CALN1: variants seen among roughly 807,000 people sequenced by gnomAD.
CALN1 encodes the protein calcium-binding protein 8.
A neutral mutation model predicts 30.6 loss-of-function variants in CALN1; 17 were observed. The observed-to-expected ratio is 0.56, with a 90% confidence interval of 0.38 to 0.83. CALN1 has a LOEUF of 0.83. Among genes scored for constraint, CALN1 ranks in the 40% least tolerant of loss-of-function variants. CALN1 has a pLI of 0.00. For missense variants in CALN1, 291 were observed against 354.9 expected (o/e 0.82, Z 1.45); for synonymous variants, 156 against 131.4 (o/e 1.19, Z -1.28).
rs1018800575 is a variant in CALN1 at position 72,022,921 on chromosome 7, A to T, written c.501+736T>A. Among the ~76,000 whole-genome samples, 24 of 47,910 alleles carry T rather than the reference A, an allele frequency of 5.0e-4. 1 individual carries two copies. Among genetic ancestry groups the T allele is most frequent in the African/African-American group, 3.2e-3 (11 of 3,416 alleles). 31.4% of individuals were successfully genotyped at this position (47,910 alleles called of 152,430 possible). ...AACAAAAAATAAAATAAATAAAATT[A>T]AAAAAAAAAAAAAAAGAAATTTAAA... is the stretch of plus-strand genomic sequence containing the variant. On this transcript the variant is annotated intron_variant, in intron 5 of 6. Transcript: ENST00000395275.
intron 5 of CALN1, among the ~76,000 whole-genome samples, chr7:71,923,886 T>C (rs1033666388): frequency 2.6e-5 from 4 of 152,064 alleles, no homozygotes; most frequent in East Asian, 3.9e-4. Flanking sequence ...AACCAGAAGT[T>C]TGCAGTCCAA....
chr7:72,338,563 C>CTCA (rs1395711521), intron 2 of CALN1, among the ~76,000 whole-genome samples: 1 of 145,766 alleles, frequency 6.9e-6, no homozygotes, highest in East Asian at 2.1e-4. Flanking sequence ...CCCTGAGGCA[C>CTCA]TCATTGTGGG....
intron 3 of CALN1, among the ~76,000 whole-genome samples, chr7:72,154,843 G>T (rs1050466393): frequency 7.2e-5 from 11 of 152,102 alleles, no homozygotes; most frequent in Non-Finnish European, 1.3e-4. Flanking sequence ...CCTAGGAGTT[G>T]GAGACCAACT....
intron 2 of CALN1, among the ~76,000 whole-genome samples, chr7:72,302,725 C>T (rs908266781): frequency 2.6e-5 from 4 of 151,838 alleles, no homozygotes; most frequent in African/African-American, 9.7e-5. Context: ...GAAACCCCGT[C>T]TCTACTAAAA....
intron 3 of CALN1, among the ~76,000 whole-genome samples, chr7:72,205,277 A>G (rs183509464): frequency 3.4e-4 from 52 of 151,744 alleles, no homozygotes; most frequent in Non-Finnish European, 6.5e-4. Context: ...ATCTCAGCTC[A>G]CCGCAACCTC....
chr7:72,095,689 G>A (rs1037389013), intron 4 of CALN1, among the ~76,000 whole-genome samples: 2 of 151,924 alleles, frequency 1.3e-5, no homozygotes, highest in Non-Finnish European at 2.9e-5. Flanking sequence ...CTCAGACTAG[G>A]GTATCTCCAA....
At chr7:72,334,497 A>G (rs1345904793) in intron 2 of CALN1, among the ~76,000 whole-genome samples, 2 of 152,184 alleles carry the variant, frequency 1.3e-5, no homozygotes. Flanking sequence ...AACAATGAAC[A>G]GTTGTCATCC....
At chr7:72,484,632 C>T in the CALN1 span, among the ~76,000 whole-genome samples, 2 of 152,290 alleles carry the variant, frequency 1.3e-5, no homozygotes, top group African/African-American at 4.8e-5. Flanking sequence ...CTCTGTGCAG[C>T]TTGCTTCTGT....
intron 5 of CALN1, among the ~76,000 whole-genome samples, chr7:71,953,027 G>A (rs956160913): frequency 3.9e-5 from 6 of 152,164 alleles, no homozygotes; most frequent in African/African-American, 1.4e-4. Flanking sequence ...TGTGACCACA[G>A]CTCACTGCAG....
chr7:71,807,079 A>T (rs891967090), intron 6 of CALN1, among the ~76,000 whole-genome samples: 1 of 152,220 alleles, frequency 6.6e-6, no homozygotes, highest in Non-Finnish European at 1.5e-5. Context: ...GGAGGAGTTG[A>T]CAGTTTGGGA....
At chr7:72,418,907 T>G (rs1240632333) in intron 1 of CALN1, among the ~76,000 whole-genome samples, 1 of 152,156 alleles carries the variant, frequency 6.6e-6, no homozygotes, top group African/African-American at 2.4e-5. Context: ...TCCCAGCTAC[T>G]TGGGACACTG....
At position 72,317,380 on chromosome 7, in the gene CALN1, G is replaced by T. The variant is rs536678382; in HGVS notation, c.120-38570C>A. 7.9e-5 allele frequency among the ~76,000 whole-genome samples: 12 copies of T among 152,300 alleles called. No homozygotes were observed. In the South Asian group the frequency reaches 2.1e-3, roughly 26 times the overall value. ...TCCTGGGGAAATCCCTGTTAGGTTG[G>T]TGAGTCTTACAAGCCATCATCCCAC... On this transcript the variant is annotated intron_variant, in intron 2 of 6. Transcript: ENST00000395275.
At chr7:72,406,628 C>CTTTTTCT (rs1554402617) in intron 1 of CALN1, among the ~76,000 whole-genome samples, 2 of 144,732 alleles carry the variant, frequency 1.4e-5, no homozygotes, top group Non-Finnish European at 3.0e-5. Context: ...TTTTTTTTTT[C>CTTTTTCT]TTTTTTAAGA....
intron 3 of CALN1, among the ~76,000 whole-genome samples, chr7:72,259,914 C>G (rs1288982208): frequency 1.3e-5 from 2 of 152,082 alleles, no homozygotes; most frequent in Non-Finnish European, 2.9e-5. Context: ...TTTTAAAATG[C>G]AAAAAGGATC....
At chr7:72,302,175 G>GAAAT (rs1043191006) in intron 2 of CALN1, among the ~76,000 whole-genome samples, 1 of 152,110 alleles carries the variant, frequency 6.6e-6, no homozygotes, top group African/African-American at 2.4e-5. Context: ...CCACGGAGAG[G>GAAAT]AAATAATACA....
intron 2 of CALN1, among the ~76,000 whole-genome samples, chr7:72,334,620 C>G (rs1036652603): frequency 4.6e-5 from 7 of 152,138 alleles, no homozygotes; most frequent in African/African-American, 1.7e-4. Flanking sequence ...TATTTTCGTT[C>G]TAAAAAGCCC....
intron 2 of CALN1, among the ~76,000 whole-genome samples, chr7:72,317,052 A>G (rs1390935242): frequency 1.0e-4 from 14 of 136,984 alleles, no homozygotes; most frequent in African/African-American, 2.9e-4. Flanking sequence ...GAGAGAGAGA[A>G]AGAGAGAGAG....
intron 3 of CALN1, among the ~76,000 whole-genome samples, chr7:72,260,887 C>T (rs1010688582): frequency 6.6e-5 from 10 of 152,148 alleles, no homozygotes; most frequent in African/African-American, 1.9e-4. Context: ...CCCTACGGTG[C>T]TTCTAGGTTC....
At chr7:72,278,951 A>G (rs1797548696) in intron 2 of CALN1, 141 bp from the exon 3 acceptor site, 18 of 1,256,236 alleles carry the variant, frequency 1.4e-5, no homozygotes, top group Middle Eastern at 2.2e-4. Flanking sequence ...GAAAGTCAAG[A>G]TATTTCCAGG....
Sources: gnomAD v4.1 joint callset for allele counts (sites outside exome capture counted in the v4.1 genomes callset) on GRCh38, gnomAD v4.1.1 for gene constraint, MANE v1.5 for transcripts, NCBI Gene and HGNC (gene_info 2026-07-23, HGNC 2026-07-21) for gene names.